PTPRT: variants seen among roughly 807,000 people sequenced by gnomAD.
PTPRT encodes protein tyrosine phosphatase receptor type T.
Under a neutral mutation model 176.8 loss-of-function variants are expected in PTPRT, and 56 were observed. The observed-to-expected ratio is 0.32, with a 90% CI of 0.26 to 0.40. The LOEUF (loss-of-function observed/expected upper bound fraction) is 0.40, where lower values mean the gene tolerates loss of function less well. Ranked by LOEUF, PTPRT falls within the 10% of genes least tolerant of loss-of-function variation. The pLI, the probability that PTPRT is intolerant of heterozygous loss-of-function variation, is 1.00. For synonymous variants in PTPRT, 783 were observed against 739.0 expected (o/e 1.06, Z -0.96); for missense variants, 1,540 against 1,908.2 (o/e 0.81, Z 3.60).
At chr20:42,925,413 C>A (rs998195236) in intron 1 of PTPRT, among the ~76,000 whole-genome samples, 45 of 152,124 alleles carry the variant, frequency 3.0e-4, no homozygotes, top group Non-Finnish European at 5.7e-4. Flanking sequence ...GAACATGGTT[C>A]CTCCTAGGGA....
intron 6 of PTPRT, among the ~76,000 whole-genome samples, chr20:42,727,697 T>A (rs2076401544): frequency 6.6e-6 from 1 of 152,212 alleles, no homozygotes; most frequent in Non-Finnish European, 1.5e-5. Context: ...GGGACTGTTA[T>A]TTTCCCTGGT....
At chr20:42,326,818 C>A (rs2057889338) in intron 11 of PTPRT, among the ~76,000 whole-genome samples, 2 of 151,872 alleles carry the variant, frequency 1.3e-5, no homozygotes, top group African/African-American at 4.8e-5. Flanking sequence ...GTATTGTTTT[C>A]TTTGAGAAAA....
the PTPRT span, among the ~76,000 whole-genome samples, chr20:42,050,754 G>A: frequency 2.7e-4 from 41 of 152,170 alleles, no homozygotes; most frequent in African/African-American, 8.9e-4. Flanking sequence ...TCACGGAGGC[G>A]GGTGAGGAGT....
chr20:42,310,756 G>A (rs1568761969), intron 12 of PTPRT, among the ~76,000 whole-genome samples: 1 of 152,168 alleles, frequency 6.6e-6, no homozygotes, highest in Non-Finnish European at 1.5e-5. Flanking sequence ...TAAGAGACAG[G>A]TGTTGTGAAT....
At position 42,352,223 on chromosome 20, in the gene PTPRT, T is replaced by C. The variant is rs757093346; in HGVS notation, c.1623A>G (p.Lys541=). 2 of 1,614,062 alleles carry C rather than the reference T, an allele frequency of 1.2e-6. No homozygotes were observed. The highest frequency in any genetic ancestry group is 1.3e-5 in the African/African-American group (1 of 74,916). ...PSADLSSQRG[K]VFKLRNETHH... is the part of the protein sequence containing the mutation. ...GGGTTTCATTCCGGAGCTTGAACAC[T>C]TTCCCCCTCTGGCTCGAGAGGTCAG... Residue 541 remains lysine, a synonymous_variant, in exon 10 of 31, where the codon AAA becomes AAG. Coordinates refer to ENST00000373187, the MANE Select transcript of PTPRT (RefSeq NM_007050.6).
the PTPRT span, among the ~76,000 whole-genome samples, chr20:42,054,025 G>A: frequency 4.6e-5 from 7 of 152,160 alleles, no homozygotes; most frequent in Non-Finnish European, 8.8e-5. Context: ...AAGAAACATA[G>A]TGAAGGTCAC....
chr20:42,645,034 A>G (rs1195716847), intron 7 of PTPRT, among the ~76,000 whole-genome samples: 1 of 152,164 alleles, frequency 6.6e-6, no homozygotes, highest in East Asian at 1.9e-4. Flanking sequence ...ACCCCAAGTT[A>G]GTAAGTCTGT....
intron 6 of PTPRT, among the ~76,000 whole-genome samples, chr20:42,680,845 A>G (rs2075590828): frequency 6.6e-6 from 1 of 152,216 alleles, no homozygotes; most frequent in Admixed American, 6.5e-5. Flanking sequence ...AGTAACAAAC[A>G]TCCCCTTGAG....
In PTPRT at chr20:42,409,681, G is replaced by A. The variant is rs551792562; in HGVS notation, c.1560+38539C>T. ...AGAAGAATGTTAAAGGAAATATAACGGAACTAAGATGATGCAAATTAGAGT... is the reference window on the plus strand; with the variant it reads ...AGAAGAATGTTAAAGGAAATATAACAGAACTAAGATGATGCAAATTAGAGT... On this transcript the variant is annotated intron_variant, in intron 9 of 30. Coordinates refer to ENST00000373187, the MANE Select transcript of PTPRT (RefSeq NM_007050.6). Among the ~76,000 whole-genome samples, 5 of 152,270 alleles carry A rather than the reference G, an allele frequency of 3.3e-5. No individual in the cohort carries two copies. The South Asian group carries it at 6.2e-4, about 19-fold the overall frequency.
intron 3 of PTPRT, among the ~76,000 whole-genome samples, chr20:42,788,105 C>T (rs1381508461): frequency 2.0e-5 from 3 of 152,012 alleles, no homozygotes; most frequent in East Asian, 1.9e-4. Context: ...CAACACGTCA[C>T]GTTGTTAGTG....
At chr20:42,807,211 T>C (rs1345951302) in intron 2 of PTPRT, among the ~76,000 whole-genome samples, 1 of 152,208 alleles carries the variant, frequency 6.6e-6, no homozygotes, top group African/African-American at 2.4e-5. Context: ...CAGAGAAGGA[T>C]GGATGCACAT....
At chr20:42,557,642 G>A (rs868012090) in intron 7 of PTPRT, among the ~76,000 whole-genome samples, 9 of 152,078 alleles carry the variant, frequency 5.9e-5, no homozygotes, top group South Asian at 4.1e-4. Flanking sequence ...AATAGCAAGG[G>A]GACAGAAAGT....
chr20:42,820,488 C>T (rs2077872562), intron 2 of PTPRT, among the ~76,000 whole-genome samples: 1 of 151,920 alleles, frequency 6.6e-6, no homozygotes, highest in East Asian at 1.9e-4. Flanking sequence ...AATTGATATC[C>T]TAACATCACA....
chr20:42,256,376 T>C (rs2056639412), intron 13 of PTPRT, among the ~76,000 whole-genome samples: 1 of 152,078 alleles, frequency 6.6e-6, no homozygotes, highest in Non-Finnish European at 1.5e-5. Context: ...TCCCAAGGCA[T>C]TGAGAATATT....
rs575879118 is a variant in PTPRT, at chr20:42,773,121, T to C, written c.569-1571A>G. Among the ~76,000 whole-genome samples, 19 of 152,342 alleles carry C rather than the reference T, an allele frequency of 1.2e-4. No homozygotes were observed. In the East Asian group the frequency reaches 3.7e-3, roughly 29 times the overall value. ...CAGGGTCTGCAGAAGGGGCTCCCAG[T>C]CAGGGCTGTGCTGATGGTTCAGGTT... On this transcript the variant is annotated intron_variant, in intron 4 of 30. Coordinates refer to ENST00000373187, the MANE Select transcript of PTPRT (RefSeq NM_007050.6).
the PTPRT span, among the ~76,000 whole-genome samples, chr20:42,065,207 A>G: frequency 3.3e-5 from 5 of 152,226 alleles, no homozygotes; most frequent in African/African-American, 1.2e-4. Context: ...GACCCACAAA[A>G]TTATGAAAAA....
At chr20:43,119,362 G>A (rs182014774) in intron 1 of PTPRT, among the ~76,000 whole-genome samples, 22 of 152,302 alleles carry the variant, frequency 1.4e-4, no homozygotes, top group Middle Eastern at 3.4e-3. Context: ...TGATAAGTAT[G>A]TCTTTAAAAT....
intron 13 of PTPRT, among the ~76,000 whole-genome samples, chr20:42,254,385 C>G (rs1327031052): frequency 6.6e-6 from 1 of 152,224 alleles, no homozygotes; most frequent in African/African-American, 2.4e-5. Context: ...AACTCAGCAG[C>G]TGCATTGTAA....
chr20:42,428,243 G>C (rs1490524573), intron 9 of PTPRT, among the ~76,000 whole-genome samples: 1 of 152,196 alleles, frequency 6.6e-6, no homozygotes, highest in Non-Finnish European at 1.5e-5. Context: ...ATGCTACCTT[G>C]ACCATACTAC....
Sources: gnomAD v4.1 joint callset for allele counts (sites outside exome capture counted in the v4.1 genomes callset) on GRCh38, gnomAD v4.1.1 for gene constraint, MANE v1.5 for transcripts, NCBI Gene and HGNC (gene_info 2026-07-23, HGNC 2026-07-21) for gene names.